Variants in POLR3B observed in about 807,000 individuals in gnomAD.
POLR3B encodes the protein DNA-directed RNA polymerase III subunit RPC2.
Under a neutral mutation model 147.4 loss-of-function variants are expected in POLR3B, and 96 were observed. That is an observed-to-expected ratio of 0.65 (90% CI 0.55 to 0.77). The LOEUF (loss-of-function observed/expected upper bound fraction) is 0.77, where lower values mean the gene tolerates loss of function less well. Among genes scored for constraint, POLR3B ranks in the 30% least tolerant of loss-of-function variants. The pLI is 0.00. For synonymous variants in POLR3B, 461 were observed against 485.9 expected (o/e 0.95, Z 0.67); for missense variants, 1,036 against 1,413.5 (o/e 0.73, Z 4.28).
intron 19 of POLR3B, among the ~76,000 whole-genome samples, chr12:106,448,246 A>G: frequency 6.6e-6 from 1 of 152,070 alleles, no homozygotes; most frequent in African/African-American, 2.4e-5. Flanking sequence ...ATGAATATAT[A>G]CATATATATG....
At chr12:106,360,191 G>C (rs896639078) in intron 1 of POLR3B, among the ~76,000 whole-genome samples, 2 of 152,194 alleles carry the variant, frequency 1.3e-5, no homozygotes, top group South Asian at 4.1e-4. Flanking sequence ...TCCTTGCTCT[G>C]CAGCCAGAGC....
intron 12 of POLR3B, among the ~76,000 whole-genome samples, chr12:106,424,403 A>G (rs985073104): frequency 6.6e-6 from 1 of 152,166 alleles, no homozygotes; most frequent in Non-Finnish European, 1.5e-5. Context: ...TAAGTTCCCC[A>G]TCAACTTTTC....
intron 23 of POLR3B, among the ~76,000 whole-genome samples, chr12:106,466,356 CT>C (rs2038006339): frequency 6.6e-6 from 1 of 152,102 alleles, no homozygotes; most frequent in South Asian, 2.1e-4. Context: ...GATATTAGCC[CT>C]TTGTCAGATG....
rs529928807 is a variant in POLR3B at position 106,508,462 on chromosome 12, G to C, written c.3273-958G>C. ...TCATTTTCCTCCTCGTTAACTGTGA[G>C]GACCTAGTTTTCTACCTGTTAAGAG... On this transcript the variant is annotated intron_variant, in intron 27 of 27. Transcript: ENST00000228347. Among the ~76,000 whole-genome samples the C allele has an allele frequency of 2.0e-5, 3 of 152,240 alleles. No individual in the cohort carries two copies. In the South Asian group the frequency reaches 6.2e-4, roughly 32 times the overall value.
In POLR3B at chr12:106,369,640, C is replaced by T. The variant is rs751146923; in HGVS notation, c.361C>T (p.Arg121Ter). 15 of 1,613,348 alleles carry T rather than the reference C, an allele frequency of 9.3e-6. No individual in the cohort carries two copies. Among genetic ancestry groups the T allele is most frequent in the South Asian group, 3.3e-5 (3 of 91,064 alleles). The change falls in exon 6 of 28, where the codon CGA (arginine) becomes TGA (stop). Residue 121 changes from arginine (R) to a stop codon, truncating the protein, a stop_gained. Transcript: ENST00000228347. LOFTEE classifies it high-confidence loss of function. ...APITVDIEYT[R>*]GSQRIIRNAL... Reference sequence around the variant, plus strand: ...TATTACAGTGGATATTGAATATACCCGAGGCAGCCAGAGGATCATCCGCAA... The same window carrying T: ...TATTACAGTGGATATTGAATATACCTGAGGCAGCCAGAGGATCATCCGCAA...
chr12:106,462,053 A>G (rs934725038), intron 22 of POLR3B, among the ~76,000 whole-genome samples: 6 of 152,154 alleles, frequency 3.9e-5, no homozygotes, highest in Non-Finnish European at 8.8e-5. Flanking sequence ...TCACCAGCAC[A>G]ACCTGACTCC....
intron 10 of POLR3B, among the ~76,000 whole-genome samples, chr12:106,398,521 G>A (rs1437306809): frequency 6.6e-6 from 1 of 152,226 alleles, no homozygotes; most frequent in Non-Finnish European, 1.5e-5. Flanking sequence ...ATCTGAGAAT[G>A]GGCAGACTGC....
intron 9 of POLR3B, among the ~76,000 whole-genome samples, chr12:106,385,451 G>A (rs1593010659): frequency 6.6e-6 from 1 of 152,202 alleles, no homozygotes; most frequent in African/African-American, 2.4e-5. Context: ...AGTTATGATA[G>A]TGGAAATAAT....
chr12:106,400,623 G>C (rs890892006), intron 10 of POLR3B, among the ~76,000 whole-genome samples: 2 of 152,168 alleles, frequency 1.3e-5, no homozygotes, highest in African/African-American at 4.8e-5. Context: ...ATAACAAACT[G>C]TCTCTCAGAC....
intron 13 of POLR3B, among the ~76,000 whole-genome samples, chr12:106,427,787 A>T (rs1173153258): frequency 6.6e-6 from 1 of 152,188 alleles, no homozygotes; most frequent in Non-Finnish European, 1.5e-5. Flanking sequence ...TCACATAAGC[A>T]ATGAATTCAG....
At chr12:106,497,213 C>CGTGGG in intron 25 of POLR3B, among the ~76,000 whole-genome samples, 1 of 131,004 alleles carries the variant, frequency 7.6e-6, no homozygotes, top group Admixed American at 8.6e-5. Context: ...TCTTCTTCTT[C>CGTGGG]CCGTATGACC....
chr12:106,405,857 G>A lies in POLR3B; in HGVS notation c.847G>A (p.Ala283Thr), dbSNP rs1208286699. The A allele has an allele frequency of 1.2e-6, 2 of 1,612,682 alleles. No individual in the cohort carries two copies. Among genetic ancestry groups the A allele is most frequent in the Non-Finnish European group, 8.5e-7 (1 of 1,178,916 alleles). Reference sequence around the variant, plus strand: ...CATTATTGTAATCTGTTTTTTATAGGCATTAAAATATATAGGGAACAAAGT... The same window carrying A: ...CATTATTGTAATCTGTTTTTTATAGACATTAAAATATATAGGGAACAAAGT... ...QKAQIFTQMQALKYIGNKVRR... is the reference protein window; with the variant it reads ...QKAQIFTQMQTLKYIGNKVRR... Residue 283 changes from alanine (A) to threonine (T), a missense_variant and splice_region_variant, in exon 11 of 28, where the codon GCA (alanine) becomes ACA (threonine). By Grantham distance (58) the Ala-to-Thr change is moderately conservative (BLOSUM62 0). Around this residue, in one of 12 missense-constraint regions of POLR3B, gnomAD observed 217 missense variants for 288.7 expected, o/e 0.75. Coordinates refer to ENST00000228347, the MANE Select transcript of POLR3B (RefSeq NM_018082.6).
intron 6 of POLR3B, 58 bp downstream of exon 6, chr12:106,369,741 A>G: frequency 9.2e-7 from 1 of 1,087,268 alleles, no homozygotes; most frequent in South Asian, 1.2e-5. Flanking sequence ...CCATGATGTG[A>G]TCCCATTTCC....
intron 18 of POLR3B, among the ~76,000 whole-genome samples, chr12:106,443,970 G>A (rs1467473414): frequency 1.3e-5 from 2 of 151,968 alleles, no homozygotes; most frequent in Non-Finnish European, 2.9e-5. Flanking sequence ...GACTACAGGT[G>A]GGTGCCACCA....
chr12:106,380,518 G>A (rs1396220935), intron 9 of POLR3B, among the ~76,000 whole-genome samples: 1 of 152,146 alleles, frequency 6.6e-6, no homozygotes, highest in East Asian at 1.9e-4. Context: ...GGGAGGCAAA[G>A]GTTGCAGTGA....
At chr12:106,484,731 G>A (rs764401570) in intron 23 of POLR3B, among the ~76,000 whole-genome samples, 13 of 152,068 alleles carry the variant, frequency 8.5e-5, no homozygotes, top group Non-Finnish European at 1.9e-4. Context: ...ACAGCCTCTC[G>A]GAGGAAGCGA....
intron 7 of POLR3B, 89 bp downstream of exon 7, chr12:106,376,539 A>G: frequency 2.1e-6 from 2 of 931,164 alleles, no homozygotes; most frequent in Non-Finnish European, 3.5e-6. Flanking sequence ...CAAAAACAGT[A>G]CCAGCTTTTC....
At chr12:106,379,979 T>C in intron 8 of POLR3B, 52 bp from the exon 9 acceptor site, 1 of 992,248 alleles carries the variant, frequency 1.0e-6, no homozygotes, top group Non-Finnish European at 1.6e-6. Context: ...TGCATGTTAC[T>C]AGCTTGAAAC....
At chr12:106,443,115 TTTTA>T (rs1287585947) in intron 18 of POLR3B, among the ~76,000 whole-genome samples, 4 of 152,172 alleles carry the variant, frequency 2.6e-5, no homozygotes, top group Admixed American at 6.5e-5. Flanking sequence ...TGAATAATAG[TTTTA>T]TTTGTCAACA....
Sources: allele counts gnomAD v4.1 joint callset (sites outside exome capture counted in the v4.1 genomes callset), GRCh38; gene constraint gnomAD v4.1.1; regional missense constraint gnomAD v4.1.1; transcripts MANE v1.5; gene names NCBI Gene and HGNC (gene_info 2026-07-23, HGNC 2026-07-21).